RNASEH2B: variants seen among roughly 807,000 people sequenced by gnomAD.
The protein encoded by RNASEH2B is ribonuclease H2 subunit B, also known as Aicardi-Goutieres syndrome 2 protein.
In RNASEH2B, 36 loss-of-function variants were observed where a neutral mutation model predicts 45.0. The observed-to-expected ratio is 0.80, with a 90% CI of 0.61 to 1.06. The LOEUF (loss-of-function observed/expected upper bound fraction) is 1.06. Ranked by LOEUF, RNASEH2B falls within the 50% of genes least tolerant of loss-of-function variation. The pLI, the probability that RNASEH2B is intolerant of heterozygous loss-of-function variation, is 0.00. For synonymous variants in RNASEH2B, 119 were observed against 125.7 expected (o/e 0.95, Z 0.35); for missense variants, 361 against 360.3 (o/e 1.00, Z -0.02).
In RNASEH2B at chr13:50,911,923, CG is replaced by C. The variant is rs1252240960; in HGVS notation, c.64+1784del. The C allele has an allele frequency of 2.0e-5, 3 of 152,174 alleles. No individual in the cohort carries two copies. The East Asian group carries it at 5.8e-4, about 29-fold the overall frequency. The allele number at this position is 152,174 out of a possible 1,614,324, so 9.4% of individuals were successfully genotyped here. On this transcript the variant is annotated intron_variant, in intron 1 of 10. Transcript: ENST00000336617. Reference sequence around the variant, plus strand: ...TCAGTATTGACATCGTCATTTTATACGTGTGTTTGTGTCCTTGTATTAAACA... The same window carrying C: ...TCAGTATTGACATCGTCATTTTATACTGTGTTTGTGTCCTTGTATTAAACA...
intron 2 of RNASEH2B, among the ~76,000 whole-genome samples, chr13:50,927,723 A>T (rs887430479): frequency 6.6e-6 from 1 of 152,234 alleles, no homozygotes; most frequent in African/African-American, 2.4e-5. Flanking sequence ...AAATACGGGC[A>T]AAACAAAAAA....
chr13:50,928,222 C>T (rs1951627550), intron 2 of RNASEH2B: 1 of 151,936 alleles, frequency 6.6e-6, no homozygotes, highest in African/African-American at 2.4e-5. Context: ...TGATACTTGC[C>T]ATATTAGAGG....
At position 50,912,285 on chromosome 13, in the gene RNASEH2B, A is replaced by C. The variant is rs2137876496; in HGVS notation, c.64+2145A>C. ...AACACTAGTTCTCAAACTTGAGGGC[A>C]TCATTTACCTGGGGAGCTGGGCCTC... On this transcript the variant is annotated intron_variant, in intron 1 of 10. Transcript: ENST00000336617. 3 of 152,450 alleles carry C rather than the reference A, an allele frequency of 2.0e-5. No individual in the cohort carries two copies. The Middle Eastern group carries it at 0.01, about 519-fold the overall frequency. The allele number at this position is 152,450 out of a possible 1,614,324, so 9.4% of individuals were successfully genotyped here. A position where few individuals can be genotyped will look rare whatever the true frequency, so the allele number is the denominator to read the frequency against.
At position 50,934,995 on chromosome 13, in the gene RNASEH2B, A is replaced by G. The variant is rs1951728318; in HGVS notation, c.432A>G (p.Glu144=). 3.1e-6 allele frequency: 5 copies of G among 1,603,548 alleles called. No individual in the cohort carries two copies. In the South Asian group the frequency reaches 5.5e-5, roughly 18 times the overall value. Residue 144 remains glutamate, a synonymous_variant, in exon 5 of 11, where the codon GAA becomes GAG. Transcript: ENST00000336617. ...LEKLLHHVTE[E]KGNPEIDNKK... ...AGTTACTTCATCATGTGACAGAGGA[A>G]AAAGGTATGGTATAACTTAAAGGCT... is the stretch of plus-strand genomic sequence containing the variant.
At chr13:50,924,177 T>C (rs2137913750) in intron 1 of RNASEH2B, among the ~76,000 whole-genome samples, 1 of 152,264 alleles carries the variant, frequency 6.6e-6, no homozygotes, top group East Asian at 1.9e-4. Flanking sequence ...TATCCTACCT[T>C]ATCCATAATT....
At chr13:50,929,649 TG>T in intron 3 of RNASEH2B, 67 bp downstream of exon 3, 1 of 1,005,778 alleles carries the variant, frequency 9.9e-7, no homozygotes. Flanking sequence ...TCTTCACACG[TG>T]GGGTTGTGGG....
chr13:50,970,100 A>C, exon 10 of RNASEH2B: 1 of 804,226 alleles, frequency 1.2e-6, no homozygotes, highest in South Asian at 1.5e-5. Context: ...GCTGACTGTA[A>C]ATGCTTTATT....
At chr13:50,956,187 G>A (rs1952045145) in intron 10 of RNASEH2B, 171 bp from the exon 11 acceptor site, 2 of 589,160 alleles carry the variant, frequency 3.4e-6, no homozygotes, top group Admixed American at 3.1e-5. Context: ...TGTCTCTTAG[G>A]TCTGAATTCT....
intron 2 of RNASEH2B, chr13:50,928,568 A>G (rs554272129): frequency 2.0e-5 from 3 of 152,388 alleles, no homozygotes; most frequent in Admixed American, 6.5e-5. Context: ...CTCATAGACA[A>G]CAGAGGAACA....
chr13:50,917,604 C>T (rs1293817726), intron 1 of RNASEH2B, among the ~76,000 whole-genome samples: 1 of 152,168 alleles, frequency 6.6e-6, no homozygotes, highest in African/African-American at 2.4e-5. Flanking sequence ...TTTATTATCA[C>T]CATTTTGCAT....
At chr13:50,961,493 A>G (rs1952110408), downstream of RNASEH2B, among the ~76,000 whole-genome samples, 1 of 152,188 alleles carries the variant, frequency 6.6e-6, no homozygotes, top group African/African-American at 2.4e-5. Context: ...AGACCCTTCA[A>G]GCTGACTTGT....
At position 50,956,350 on chromosome 13, in the gene RNASEH2B, A is replaced by G; in HGVS notation, c.823-8A>G. The G allele has an allele frequency of 1.9e-6, 3 of 1,585,182 alleles. No individual in the cohort carries two copies. Among genetic ancestry groups the G allele is most frequent in the Non-Finnish European group, 2.6e-6 (3 of 1,160,320 alleles). Reference sequence around the variant, plus strand: ...ATAACAATTTTTCTCTCTTATTTTCATTAACAGAAAAATAGCAAAATGACT... The same window carrying G: ...ATAACAATTTTTCTCTCTTATTTTCGTTAACAGAAAAATAGCAAAATGACT... On this transcript the variant is annotated splice_region_variant and splice_polypyrimidine_tract_variant and intron_variant, in intron 10 of 10. Transcript: ENST00000336617.
In RNASEH2B at chr13:50,926,155, AT is replaced by A. The variant is rs71672116; in HGVS notation, c.65-1242del. Among the ~76,000 whole-genome samples the A allele has an allele frequency of 6.0e-5, 9 of 150,026 alleles. No homozygotes were observed. In the South Asian group the frequency reaches 1.1e-3, roughly 18 times the overall value. On this transcript the variant is annotated intron_variant, in intron 1 of 10. Transcript: ENST00000336617. ...ATCTTGGTGGAAAGTAGAAATCTCAATTTTTTTTTTCTGTAGATACTTAATG... is the reference window on the plus strand; with the variant it reads ...ATCTTGGTGGAAAGTAGAAATCTCAATTTTTTTTTCTGTAGATACTTAATG...
chr13:50,961,277 G>A (rs557175947), downstream of RNASEH2B, among the ~76,000 whole-genome samples: 164 of 152,184 alleles, frequency 1.1e-3, no homozygotes, highest in African/African-American at 3.8e-3. Context: ...CTATTTTTAG[G>A]ATCTGATGAT....
intron 1 of RNASEH2B, among the ~76,000 whole-genome samples, chr13:50,922,882 T>G (rs1951543453): frequency 6.6e-6 from 1 of 152,206 alleles, no homozygotes; most frequent in African/African-American, 2.4e-5. Flanking sequence ...AAGATTTTAT[T>G]CAGCTACTAT....
At chr13:50,941,105 A>C (rs978313428) in intron 5 of RNASEH2B, 2 of 152,270 alleles carry the variant, frequency 1.3e-5, no homozygotes, top group Admixed American at 6.5e-5. Context: ...TGCCTAGCAC[A>C]GACCTGAATA....
intron 1 of RNASEH2B, chr13:50,915,270 T>A (rs1017183033): frequency 2.5e-6 from 1 of 396,692 alleles, no homozygotes; most frequent in African/African-American, 2.1e-5. Context: ...TACCCTTTCC[T>A]CAAGGTTCCA....
intron 4 of RNASEH2B, among the ~76,000 whole-genome samples, chr13:50,932,459 C>T (rs766334822): frequency 8.5e-5 from 13 of 152,218 alleles, no homozygotes; most frequent in Non-Finnish European, 1.5e-5. Context: ...TTTTAAACTG[C>T]ACATAAATGG....
At chr13:50,932,113 G>A (rs1056678456) in intron 4 of RNASEH2B, among the ~76,000 whole-genome samples, 3 of 152,022 alleles carry the variant, frequency 2.0e-5, no homozygotes, top group Non-Finnish European at 4.4e-5. Context: ...ATTATTGGCC[G>A]CAAATATTGT....
Sources: gnomAD v4.1 joint callset for allele counts (sites outside exome capture counted in the v4.1 genomes callset) on GRCh38, gnomAD v4.1.1 for gene constraint, MANE v1.5 for transcripts, NCBI Gene and HGNC (gene_info 2026-07-23, HGNC 2026-07-21) for gene names.